The following GK5 variants were observed in gnomAD, a reference collection of about 807,000 sequenced individuals.
The protein encoded by GK5 is ATP:glycerol 3-phosphotransferase 5.
GK5 carries 39 observed loss-of-function variants against 77.3 expected under a neutral mutation model. The observed-to-expected ratio is 0.50, with a 90% CI of 0.39 to 0.66. GK5 has a LOEUF of 0.66. Ranked by LOEUF, GK5 falls within the 30% of genes least tolerant of loss-of-function variation. The pLI is 0.00. For synonymous variants in GK5, 211 were observed against 208.0 expected, an observed-to-expected ratio of 1.01 and a Z score of -0.13; for missense variants, 487 against 633.8, an observed-to-expected ratio of 0.77 and a Z score of 2.49.
intron 3 of GK5, among the ~76,000 whole-genome samples, chr3:142,205,226 C>G (rs1035227928): frequency 1.5e-4 from 23 of 152,152 alleles, no homozygotes; most frequent in African/African-American, 4.6e-4. Flanking sequence ...AACATGCTTA[C>G]CAAAATCTCT....
chr3:142,165,587 C>G lies in GK5; in HGVS notation c.*35G>C. 1 of 1,546,222 alleles carries G rather than the reference C, an allele frequency of 6.5e-7. No homozygotes were observed. The highest frequency in any genetic ancestry group is 8.7e-7 in the Non-Finnish European group (1 of 1,143,490). Reference sequence around the variant, plus strand: ...TCATCTCATCTGCACGTCACATAAACCAGCTACCTATGGTTTTGATCATTT... The same window carrying G: ...TCATCTCATCTGCACGTCACATAAAGCAGCTACCTATGGTTTTGATCATTT... On this transcript the variant is annotated 3_prime_UTR_variant, in exon 16 of 16. Transcript: ENST00000392993.
intron 15 of GK5, among the ~76,000 whole-genome samples, chr3:142,169,979 A>C (rs1402545809): frequency 6.6e-6 from 1 of 152,062 alleles, no homozygotes; most frequent in East Asian, 1.9e-4. Context: ...GGCTCACCTT[A>C]TTGTTCTTTA....
intron 5 of GK5, among the ~76,000 whole-genome samples, chr3:142,191,965 C>A (rs2063858106): frequency 6.6e-6 from 1 of 152,002 alleles, no homozygotes; most frequent in South Asian, 2.1e-4. Context: ...GCCACTGCAC[C>A]CCAGCCTGGG....
chr3:142,171,563 T>C (rs2063540918), intron 13 of GK5, 85 bp from the exon 14 acceptor site: 3 of 918,938 alleles, frequency 3.3e-6, no homozygotes, highest in South Asian at 4.9e-5. Flanking sequence ...AAATACAAAC[T>C]ATAGTTTTAT....
chr3:142,213,521 CT>C lies in GK5; in HGVS notation c.317+4del. The stretch of plus-strand genomic sequence containing the variant: ...AGTAGGGTGCTTATCACAGAATGTA[CT>C]TACTTGTTCCACGTAATAAAAGTTG... On this transcript the variant is annotated splice_donor_region_variant and intron_variant, in intron 3 of 15. Coordinates refer to ENST00000392993, the MANE Select transcript of GK5 (RefSeq NM_001039547.3). 1 of 1,569,740 alleles carries C rather than the reference CT, an allele frequency of 6.4e-7. No homozygotes were observed. Among genetic ancestry groups the C allele is most frequent in the Non-Finnish European group, 8.8e-7 (1 of 1,139,658 alleles).
In GK5 at chr3:142,161,807, T is replaced by C. The variant is rs1345067041; in HGVS notation, c.*3815A>G. On this transcript the variant is annotated 3_prime_UTR_variant, in exon 16 of 16. Transcript: ENST00000392993. ...CATGAGATATTGATTGATTGATTGA[T>C]TGATTGATTGAGACAGGGTCTCACT... 1 of 152,172 alleles carries C rather than the reference T, an allele frequency of 6.6e-6. No homozygotes were observed. Among genetic ancestry groups the C allele is most frequent in the Non-Finnish European group, 1.5e-5 (1 of 68,048 alleles). 9.4% of individuals were successfully genotyped at this position (152,172 alleles called of 1,614,324 possible).
At chr3:142,213,754 A>C (rs2064231018) in intron 2 of GK5, among the ~76,000 whole-genome samples, 153 bp from the exon 3 acceptor site, 1 of 152,204 alleles carries the variant, frequency 6.6e-6, no homozygotes, top group Non-Finnish European at 1.5e-5. Context: ...CAAATAAAGC[A>C]TTACTAAGAT....
In GK5 at chr3:142,157,963, T is replaced by G. The variant is rs1032782325; in HGVS notation, c.*7659A>C. 14 of 151,726 alleles carry G rather than the reference T, an allele frequency of 9.2e-5. No individual in the cohort carries two copies. The highest frequency in any genetic ancestry group is 2.2e-4 in the African/African-American group (9 of 41,228). The allele number at this position is 151,726 out of a possible 1,614,324, so 9.4% of individuals were successfully genotyped here. ...TGTTGTTGTTGTTGTTTTTGTTTTTTTTTTTTGAGATGGAGTCTCACTCTG... is the reference window on the plus strand; with the variant it reads ...TGTTGTTGTTGTTGTTTTTGTTTTTGTTTTTTGAGATGGAGTCTCACTCTG... On this transcript the variant is annotated 3_prime_UTR_variant, in exon 16 of 16. Coordinates refer to ENST00000392993, the MANE Select transcript of GK5 (RefSeq NM_001039547.3).
intron 5 of GK5, among the ~76,000 whole-genome samples, chr3:142,196,626 C>T (rs900095933): frequency 6.6e-6 from 1 of 151,834 alleles, no homozygotes; most frequent in Non-Finnish European, 1.5e-5. Flanking sequence ...TTTGAATTTC[C>T]CAAGTTTTTT....
In GK5 at chr3:142,186,203, C is replaced by T; in HGVS notation, c.746G>A (p.Arg249Lys). 1.9e-6 allele frequency: 3 copies of T among 1,581,162 alleles called. No individual in the cohort carries two copies. Among genetic ancestry groups the T allele is most frequent in the Middle Eastern group, 1.7e-4 (1 of 5,994 alleles). ...SIPLSLLPPV[R>K]DTSHNFGSVD... ...TGATGTTTATTATTACCTTGTGTCCCTCACAGGAGGTAGGAGAGAAAGTGG... is the reference window on the plus strand; with the variant it reads ...TGATGTTTATTATTACCTTGTGTCCTTCACAGGAGGTAGGAGAGAAAGTGG... Residue 249 changes from arginine to lysine, a missense_variant, in exon 8 of 16, where the codon AGG becomes AAG. Coordinates refer to ENST00000392993, the MANE Select transcript of GK5 (RefSeq NM_001039547.3).
intron 3 of GK5, among the ~76,000 whole-genome samples, chr3:142,209,850 T>A (rs957160253): frequency 6.6e-6 from 1 of 152,140 alleles, no homozygotes; most frequent in African/African-American, 2.4e-5. Flanking sequence ...CAGGCTCCCA[T>A]GACTCACAGT....
chr3:142,187,492 C>G (rs1211377872), intron 6 of GK5, among the ~76,000 whole-genome samples: 6 of 151,898 alleles, frequency 4.0e-5, no homozygotes, highest in African/African-American at 1.2e-4. Flanking sequence ...ATAGTCCCAG[C>G]CACTCAGGGG....
intron 9 of GK5, chr3:142,184,972 T>C: frequency 1.0e-6 from 1 of 985,510 alleles, no homozygotes; most frequent in Non-Finnish European, 1.2e-6. Flanking sequence ...CTCTAAATGA[T>C]AATGATTTTG....
At position 142,158,011 on chromosome 3, in the gene GK5, GCGCGATCTCAGCTCACTGCAAGCTC is replaced by G. The variant is rs1489963220; in HGVS notation, c.*7586_*7610del. The G allele has an allele frequency of 6.6e-6, 1 of 151,808 alleles. No homozygotes were observed. Among genetic ancestry groups the G allele is most frequent in the African/African-American group, 2.4e-5 (1 of 41,252 alleles). The allele number at this position is 151,808 out of a possible 1,614,324, so 9.4% of individuals were successfully genotyped here. ...CTGTCACCCAGGCAGGAGTGCAGTGGCGCGATCTCAGCTCACTGCAAGCTCCGCCTCCTGGGTTCATGCCATTCTC... is the reference window on the plus strand; with the variant it reads ...CTGTCACCCAGGCAGGAGTGCAGTGGCGCCTCCTGGGTTCATGCCATTCTC... On this transcript the variant is annotated 3_prime_UTR_variant, in exon 16 of 16. Coordinates refer to ENST00000392993, the MANE Select transcript of GK5 (RefSeq NM_001039547.3).
chr3:142,188,030 T>C (rs527683141), intron 5 of GK5, among the ~76,000 whole-genome samples: 2 of 152,050 alleles, frequency 1.3e-5, no homozygotes, highest in Non-Finnish European at 2.9e-5. Context: ...ATACCAAGCA[T>C]GCGTTAGTTA....
chr3:142,213,407 T>A, intron 3 of GK5, 119 bp downstream of exon 3: 1 of 721,042 alleles, frequency 1.4e-6, no homozygotes, highest in African/African-American at 1.7e-5. Context: ...TTCATCCCTC[T>A]TAACCAAACG....
chr3:142,200,763 A>G (rs549568070), intron 4 of GK5, among the ~76,000 whole-genome samples: 1 of 152,346 alleles, frequency 6.6e-6, no homozygotes, highest in South Asian at 2.1e-4. Context: ...CATATAAACA[A>G]TTAGCATCTT....
At chr3:142,219,229 T>C (rs111498829) in intron 1 of GK5, among the ~76,000 whole-genome samples, 5 of 152,138 alleles carry the variant, frequency 3.3e-5, no homozygotes, top group African/African-American at 1.2e-4. Flanking sequence ...CCCTATAAGG[T>C]TGTACACAGG....
chr3:142,182,238 CAA>C (rs2063706425), intron 10 of GK5, among the ~76,000 whole-genome samples: 1 of 152,012 alleles, frequency 6.6e-6, no homozygotes, highest in South Asian at 2.1e-4. Flanking sequence ...AAATTCTTAG[CAA>C]TTGTCATTAT....
Sources: allele counts gnomAD v4.1 joint callset (sites outside exome capture counted in the v4.1 genomes callset), GRCh38; gene constraint gnomAD v4.1.1; transcripts MANE v1.5; gene names NCBI Gene and HGNC (gene_info 2026-07-23, HGNC 2026-07-21).